Variants in CWC27 observed in about 807,000 individuals in gnomAD.
CWC27 encodes the protein CWC27 spliceosome associated cyclophilin.
CWC27 carries 47 observed loss-of-function variants against 63.6 expected under a neutral mutation model. The observed-to-expected ratio is 0.74, with a 90% CI of 0.58 to 0.94. The LOEUF (loss-of-function observed/expected upper bound fraction) is 0.94. Among genes scored for constraint, CWC27 ranks in the 40% least tolerant of loss-of-function variants. The pLI, the probability that CWC27 is intolerant of heterozygous loss-of-function variation, is 0.00. For synonymous variants in CWC27, 175 were observed against 179.8 expected (o/e 0.97, Z 0.22); for missense variants, 495 against 554.3 (o/e 0.89, Z 1.07).
intron 10 of CWC27, among the ~76,000 whole-genome samples, chr5:64,848,099 A>G (rs1481503467): frequency 6.6e-6 from 1 of 152,100 alleles, no homozygotes; most frequent in African/African-American, 2.4e-5. Flanking sequence ...TTGAAAAAAT[A>G]AAATTGACAG....
chr5:64,865,099 T>G (rs994889387), intron 10 of CWC27, among the ~76,000 whole-genome samples: 2 of 149,002 alleles, frequency 1.3e-5, no homozygotes, highest in Non-Finnish European at 3.0e-5. Flanking sequence ...TGGTACAAAA[T>G]ACAGTGCAAC....
intron 13 of CWC27, among the ~76,000 whole-genome samples, chr5:64,990,246 T>G (rs1749509313): frequency 2.3e-5 from 1 of 43,812 alleles, no homozygotes; most frequent in Non-Finnish European, 5.0e-5. Flanking sequence ...ATTTGTTTTT[T>G]TTTTGTTTTT....
At chr5:64,884,701 A>G (rs1747024734) in intron 10 of CWC27, among the ~76,000 whole-genome samples, 1 of 152,206 alleles carries the variant, frequency 6.6e-6, no homozygotes, top group Non-Finnish European at 1.5e-5. Flanking sequence ...AGTAACCCTA[A>G]GGGTTTATGA....
intron 7 of CWC27, among the ~76,000 whole-genome samples, chr5:64,796,000 T>TGC (rs1471087189): frequency 7.5e-6 from 1 of 134,066 alleles, no homozygotes; most frequent in South Asian, 2.6e-4. Context: ...AAAGAAATTG[T>TGC]GCGTGTGTGT....
At chr5:64,821,353 T>G (rs1330853058) in intron 10 of CWC27, among the ~76,000 whole-genome samples, 1 of 152,070 alleles carries the variant, frequency 6.6e-6, no homozygotes, top group African/African-American at 2.4e-5. Flanking sequence ...AAGTAATTTT[T>G]TAAATGGTCA....
intron 2 of CWC27, among the ~76,000 whole-genome samples, chr5:64,778,313 C>T (rs1032774761): frequency 5.9e-5 from 9 of 151,936 alleles, no homozygotes; most frequent in Non-Finnish European, 1.5e-5. Context: ...CTTTCTTTCT[C>T]TCTCTCTCTC....
intron 10 of CWC27, among the ~76,000 whole-genome samples, chr5:64,853,754 G>C (rs1158770697): frequency 6.6e-6 from 1 of 152,118 alleles, no homozygotes. Flanking sequence ...ATTCAGGAAG[G>C]ATCTGCCCCC....
At chr5:64,957,206 C>T (rs1400397456) in intron 11 of CWC27, among the ~76,000 whole-genome samples, 1 of 152,126 alleles carries the variant, frequency 6.6e-6, no homozygotes, top group Non-Finnish European at 1.5e-5. Context: ...ATGCTTAATT[C>T]GCCTTGGGCA....
chr5:64,970,958 A>AGTGTGTGTGTGTGTGTGT (rs57958257), intron 11 of CWC27, among the ~76,000 whole-genome samples: 4 of 143,410 alleles, frequency 2.8e-5, no homozygotes, highest in African/African-American at 1.0e-4. Flanking sequence ...AGAGAGAGGG[A>AGTGTGTGTGTGTGTGTGT]GTGTGTGTGT....
chr5:64,844,846 G>T (rs186630955), intron 10 of CWC27: 1 of 455,510 alleles, frequency 2.2e-6, no homozygotes, highest in Non-Finnish European at 4.4e-6. Context: ...CAATCCCATG[G>T]CTCTACCCTG....
intron 11 of CWC27, among the ~76,000 whole-genome samples, chr5:64,890,174 G>A (rs748503953): frequency 1.3e-5 from 2 of 152,082 alleles, no homozygotes; most frequent in African/African-American, 4.8e-5. Context: ...AGAAATTAGA[G>A]GAGAAGGGTC....
chr5:64,832,889 G>A (rs1297921555), intron 10 of CWC27, among the ~76,000 whole-genome samples: 1 of 151,636 alleles, frequency 6.6e-6, no homozygotes, highest in Non-Finnish European at 1.5e-5. Flanking sequence ...GTTTCCCAGG[G>A]TCCACAAACC....
intron 10 of CWC27, among the ~76,000 whole-genome samples, chr5:64,835,671 T>G (rs1313595522): frequency 6.6e-6 from 1 of 151,876 alleles, no homozygotes; most frequent in African/African-American, 2.4e-5. Context: ...GTTCATTGTG[T>G]GGAACCTCAG....
chr5:64,821,086 ATTTT>A (rs11388495), intron 10 of CWC27, among the ~76,000 whole-genome samples: 2 of 132,676 alleles, frequency 1.5e-5, no homozygotes. Flanking sequence ...AAACAAAGCA[ATTTT>A]TTTTTTTTTT....
intron 10 of CWC27, among the ~76,000 whole-genome samples, chr5:64,851,695 T>A (rs1746136892): frequency 6.6e-6 from 1 of 152,196 alleles, no homozygotes; most frequent in Non-Finnish European, 1.5e-5. Context: ...TTTACAATTT[T>A]AAAAAATACT....
chr5:64,920,050 T>C (rs1747966774), intron 11 of CWC27, among the ~76,000 whole-genome samples: 2 of 152,178 alleles, frequency 1.3e-5, no homozygotes, highest in African/African-American at 4.8e-5. Flanking sequence ...CATTCCCTTT[T>C]CTTCTCTCAG....
intron 10 of CWC27, among the ~76,000 whole-genome samples, chr5:64,836,603 A>G (rs996732): frequency 0.35 from 53,496 of 151,778 alleles, 9,875 homozygotes; most frequent in East Asian, 0.51. Flanking sequence ...GTGGTTAGGA[A>G]TGAGTTGGCT....
chr5:64,918,183 G>A (rs1747929504), intron 11 of CWC27, among the ~76,000 whole-genome samples: 1 of 152,124 alleles, frequency 6.6e-6, no homozygotes, highest in Non-Finnish European at 1.5e-5. Flanking sequence ...AGATGTTATT[G>A]ATGGTTGGAG....
chr5:64,783,241 G>A (rs1345597794), intron 3 of CWC27, among the ~76,000 whole-genome samples: 4 of 152,180 alleles, frequency 2.6e-5, no homozygotes, highest in Non-Finnish European at 5.9e-5. Context: ...TATTTGTTAA[G>A]TAGCCCTGTC....
Sources: gnomAD v4.1 joint callset for allele counts (sites outside exome capture counted in the v4.1 genomes callset) on GRCh38, gnomAD v4.1.1 for gene constraint, MANE v1.5 for transcripts, NCBI Gene and HGNC (gene_info 2026-07-23, HGNC 2026-07-21) for gene names.